NKAIN3: variants seen among roughly 807,000 people sequenced by gnomAD.
NKAIN3 encodes sodium/potassium-transporting ATPase subunit beta-1-interacting protein 3.
In NKAIN3, 25 loss-of-function variants were observed where a neutral mutation model predicts 30.2. The observed-to-expected ratio is 0.83, with a 90% CI of 0.60 to 1.16. The LOEUF is 1.16. NKAIN3 is among the 50% of genes most tolerant of loss of function. NKAIN3 has a pLI of 0.00. For synonymous variants in NKAIN3, 91 were observed against 89.6 expected (o/e 1.02, Z -0.09); for missense variants, 225 against 254.1 (o/e 0.89, Z 0.78).
At chr8:62,822,433 A>AT (rs1377332329) in intron 4 of NKAIN3, among the ~76,000 whole-genome samples, 1 of 152,196 alleles carries the variant, frequency 6.6e-6, no homozygotes, top group African/African-American at 2.4e-5. Context: ...CCGCATGTAC[A>AT]TAACATACAT....
intron 3 of NKAIN3, among the ~76,000 whole-genome samples, chr8:62,650,044 T>C (rs1273925208): frequency 6.6e-6 from 1 of 152,148 alleles, no homozygotes; most frequent in Non-Finnish European, 1.5e-5. Flanking sequence ...TTACTCCATC[T>C]GGAGTTCTAC....
chr8:62,528,295 ATATATTATATTATATATATATAT>A (rs1563441320), intron 1 of NKAIN3, among the ~76,000 whole-genome samples: 1 of 118,136 alleles, frequency 8.5e-6, no homozygotes, highest in Non-Finnish European at 1.7e-5. Context: ...TGATATATAT[ATATATTATATTATATATATATAT>A]TATATAATAT....
intron 3 of NKAIN3, among the ~76,000 whole-genome samples, chr8:62,719,564 C>T (rs1815016992): frequency 6.6e-6 from 1 of 152,018 alleles, no homozygotes; most frequent in African/African-American, 2.4e-5. Flanking sequence ...AATCATTGTC[C>T]TGTAATTAGC....
intron 1 of NKAIN3, among the ~76,000 whole-genome samples, chr8:62,340,234 A>G (rs1044542886): frequency 2.6e-5 from 4 of 152,000 alleles, no homozygotes; most frequent in African/African-American, 9.7e-5. Context: ...AACCTAAGGC[A>G]GGGGAAGGCA....
At chr8:62,674,141 A>C (rs1313489506) in intron 3 of NKAIN3, among the ~76,000 whole-genome samples, 1 of 152,160 alleles carries the variant, frequency 6.6e-6, no homozygotes, top group Non-Finnish European at 1.5e-5. Flanking sequence ...AACACACACA[A>C]ATGCCTGCAA....
chr8:62,429,846 T>C (rs542196568), intron 1 of NKAIN3, among the ~76,000 whole-genome samples: 6 of 151,890 alleles, frequency 4.0e-5, no homozygotes, highest in African/African-American at 1.4e-4. Context: ...ATACGTAACA[T>C]AGAATTTACT....
chr8:62,663,435 A>G (rs1438159534), intron 3 of NKAIN3, among the ~76,000 whole-genome samples: 1 of 152,216 alleles, frequency 6.6e-6, no homozygotes, highest in Non-Finnish European at 1.5e-5. Flanking sequence ...AGACAGCAGT[A>G]GGTTCGATTG....
intron 4 of NKAIN3, among the ~76,000 whole-genome samples, chr8:62,841,060 C>T (rs1158276752): frequency 6.6e-6 from 1 of 152,102 alleles, no homozygotes; most frequent in African/African-American, 2.4e-5. Flanking sequence ...TCCTAATCCC[C>T]AGACCTGTTA....
At chr8:62,585,747 G>T (rs909042654) in intron 2 of NKAIN3, among the ~76,000 whole-genome samples, 12 of 152,122 alleles carry the variant, frequency 7.9e-5, no homozygotes, top group Non-Finnish European at 1.6e-4. Flanking sequence ...GGGGAATACT[G>T]TGTTCTGTCT....
chr8:62,873,029 T>A (rs1301982496), intron 4 of NKAIN3, among the ~76,000 whole-genome samples: 1 of 152,110 alleles, frequency 6.6e-6, no homozygotes, highest in African/African-American at 2.4e-5. Flanking sequence ...ACCTTAAATG[T>A]AAAAGACACA....
At chr8:62,646,651 T>C (rs1361806755) in intron 3 of NKAIN3, among the ~76,000 whole-genome samples, 1 of 152,190 alleles carries the variant, frequency 6.6e-6, no homozygotes, top group South Asian at 2.1e-4. Context: ...ACAATTTTCA[T>C]TCATAATATG....
At chr8:62,963,375 C>T (rs1318227049) in intron 6 of NKAIN3, among the ~76,000 whole-genome samples, 1 of 152,182 alleles carries the variant, frequency 6.6e-6, no homozygotes, top group Non-Finnish European at 1.5e-5. Context: ...TAAGAACAGG[C>T]TCAGCCTGTT....
At chr8:62,532,630 C>G (rs1003678883) in intron 1 of NKAIN3, among the ~76,000 whole-genome samples, 3 of 152,146 alleles carry the variant, frequency 2.0e-5, no homozygotes, top group African/African-American at 4.8e-5. Flanking sequence ...TGGATGAACA[C>G]CGTATTGAGC....
At chr8:62,774,538 A>G (rs1026842464) in intron 4 of NKAIN3, among the ~76,000 whole-genome samples, 1 of 152,126 alleles carries the variant, frequency 6.6e-6, no homozygotes, top group Non-Finnish European at 1.5e-5. Context: ...GACTAGCTGT[A>G]TGTGTGTCAA....
chr8:62,481,556 C>T (rs1286227343), intron 1 of NKAIN3, among the ~76,000 whole-genome samples: 2 of 152,168 alleles, frequency 1.3e-5, no homozygotes, highest in African/African-American at 4.8e-5. Context: ...TCCCCACCAG[C>T]TAGCACAGAG....
chr8:62,711,457 G>T (rs149906610), intron 3 of NKAIN3, among the ~76,000 whole-genome samples: 4,123 of 152,090 alleles, frequency 0.027, 194 homozygotes, highest in African/African-American at 0.094. Context: ...CTTTGTCTTT[G>T]TTGGATTGGG....
At chr8:62,441,906 C>A (rs1440709925) in intron 1 of NKAIN3, among the ~76,000 whole-genome samples, 1 of 151,916 alleles carries the variant, frequency 6.6e-6, no homozygotes, top group Non-Finnish European at 1.5e-5. Flanking sequence ...AGGGATTTCT[C>A]TGTACTTTTA....
intron 1 of NKAIN3, among the ~76,000 whole-genome samples, chr8:62,326,425 T>A (rs1439736670): frequency 1.3e-5 from 2 of 151,994 alleles, no homozygotes; most frequent in Non-Finnish European, 2.9e-5. Context: ...TCCGATGTTA[T>A]CTTCTAGAAT....
At chr8:62,869,315 C>T (rs529218743) in intron 4 of NKAIN3, among the ~76,000 whole-genome samples, 2 of 152,122 alleles carry the variant, frequency 1.3e-5, no homozygotes, top group African/African-American at 4.8e-5. Context: ...CTCCCCTTGC[C>T]GCCACCCGGC....
Sources: allele counts gnomAD v4.1 joint callset (sites outside exome capture counted in the v4.1 genomes callset), GRCh38; gene constraint gnomAD v4.1.1; transcripts MANE v1.5; gene names NCBI Gene and HGNC (gene_info 2026-07-23, HGNC 2026-07-21).